GLI2: variants seen among roughly 807,000 people sequenced by gnomAD.
The protein encoded by GLI2 is transcription activator GLI2.
In GLI2, 22 loss-of-function variants were observed where a neutral mutation model predicts 78.9. The observed-to-expected ratio is 0.28, with a 90% CI of 0.20 to 0.40. The LOEUF (loss-of-function observed/expected upper bound fraction) is 0.40. Ranked by LOEUF, GLI2 falls within the 10% of genes least tolerant of loss-of-function variation. The probability of loss-of-function intolerance (pLI) is 1.00; values close to 1 mark genes in which losing one functional copy is unlikely to be tolerated. For missense variants in GLI2, 2,097 were observed against 2,213.2 expected (o/e 0.95, Z 1.05); for synonymous variants, 974 against 963.7 (o/e 1.01, Z -0.20).
Position 120,987,366 on chromosome 2 carries a change from G to C in GLI2, c.2242+752G>C, listed in dbSNP as rs536765231. ...TCTCAGCCCCCTACAGGGATGTCCT[G>C]GGTTGCAGACAGATGCCCCACCCAA... On this transcript the variant is annotated intron_variant, in intron 13 of 13. Transcript: ENST00000361492. 3.9e-5 allele frequency among the ~76,000 whole-genome samples: 6 copies of C among 152,314 alleles called. No individual in the cohort carries two copies. The South Asian group carries it at 1.0e-3, about 26-fold the overall frequency.
In GLI2 at chr2:120,955,345, C is replaced by G; in HGVS notation, c.558C>G (p.His186Gln). Residue 186 changes from histidine to glutamine, a missense_variant, in exon 5 of 14, where the codon CAC becomes CAG. Coordinates refer to ENST00000361492, the MANE Select transcript of GLI2 (RefSeq NM_001374353.1). The stretch of plus-strand genomic sequence containing the variant: ...ACCAGATGACCCTCGTGGCAGGCCA[C>G]CCCGCGCCCTACGGGGACCTGCTGA... ...YYHQMTLVAGHPAPYGDLLMQ... is the reference protein window; with the variant it reads ...YYHQMTLVAGQPAPYGDLLMQ... 1 of 1,613,556 alleles carries G rather than the reference C, an allele frequency of 6.2e-7. No individual in the cohort carries two copies. The highest frequency in any genetic ancestry group is 8.5e-7 in the Non-Finnish European group (1 of 1,179,660).
intron 2 of GLI2, among the ~76,000 whole-genome samples, chr2:120,817,298 C>T (rs1027179098): frequency 3.9e-5 from 6 of 152,204 alleles, no homozygotes; most frequent in South Asian, 2.1e-4. Context: ...CCACTGCCTC[C>T]GTGGGGTCTC....
intron 5 of GLI2, among the ~76,000 whole-genome samples, chr2:120,955,838 A>T (rs531691849): frequency 8.5e-5 from 13 of 152,208 alleles, no homozygotes; most frequent in African/African-American, 2.9e-4. Context: ...TGGGAAGTTG[A>T]AATCTGGGGG....
intron 2 of GLI2, among the ~76,000 whole-genome samples, chr2:120,804,037 T>G (rs146338282): frequency 1.3e-5 from 2 of 152,292 alleles, no homozygotes; most frequent in East Asian, 3.9e-4. Context: ...CTGACAGCCC[T>G]CCTATCTTCT....
At chr2:120,969,199 C>T (rs896477140) in intron 6 of GLI2, among the ~76,000 whole-genome samples, 1 of 152,230 alleles carries the variant, frequency 6.6e-6, no homozygotes, top group African/African-American at 2.4e-5. Context: ...CCTAGTATTT[C>T]ACTGAATTTG....
intron 2 of GLI2, among the ~76,000 whole-genome samples, chr2:120,922,164 C>A (rs57181330): frequency 0.026 from 3,925 of 152,292 alleles, 51 homozygotes; most frequent in Middle Eastern, 0.048. Flanking sequence ...TGCCACATAG[C>A]AAATGCTTGA....
intron 2 of GLI2, among the ~76,000 whole-genome samples, chr2:120,809,869 C>T (rs1417833898): frequency 6.6e-6 from 1 of 152,162 alleles, no homozygotes; most frequent in Non-Finnish European, 1.5e-5. Flanking sequence ...GCACCAGCCT[C>T]CAGCTAACTT....
chr2:120,948,441 A>C (rs1358923048), intron 3 of GLI2, among the ~76,000 whole-genome samples: 1 of 152,062 alleles, frequency 6.6e-6, no homozygotes, highest in Non-Finnish European at 1.5e-5. Context: ...GGGGAGGTGG[A>C]GTCTACCTTC....
intron 2 of GLI2, 123 bp downstream of exon 2, chr2:120,797,591 G>A (rs913766764): frequency 1.1e-6 from 1 of 918,522 alleles, no homozygotes; most frequent in Non-Finnish European, 1.7e-6. Context: ...GGGCGAAGAG[G>A]AAGGCACCTC....
intron 2 of GLI2, among the ~76,000 whole-genome samples, chr2:120,821,425 G>A (rs1275359403): frequency 6.6e-6 from 1 of 152,200 alleles, no homozygotes; most frequent in Non-Finnish European, 1.5e-5. Context: ...ACATTTATGG[G>A]CGACAGAGAA....
At chr2:120,781,066 C>G (rs1336699436) in intron 1 of GLI2, among the ~76,000 whole-genome samples, 1 of 152,198 alleles carries the variant, frequency 6.6e-6, no homozygotes, top group East Asian at 1.9e-4. Context: ...ATAAACCTTT[C>G]TTTCACCTTG....
intron 8 of GLI2, 166 bp from the exon 9 acceptor site, chr2:120,974,809 T>A: frequency 1.2e-6 from 1 of 863,764 alleles, no homozygotes; most frequent in Non-Finnish European, 2.0e-6. Flanking sequence ...TGTGTCTGCA[T>A]GCATGTGTTG....
At chr2:120,767,199 T>C (rs895317356) in intron 1 of GLI2, among the ~76,000 whole-genome samples, 1 of 152,154 alleles carries the variant, frequency 6.6e-6, no homozygotes, top group Admixed American at 6.5e-5. Flanking sequence ...GGAAGCCACC[T>C]CCTTGCTGGG....
At chr2:120,779,370 T>C (rs1479850739) in intron 1 of GLI2, among the ~76,000 whole-genome samples, 3 of 152,192 alleles carry the variant, frequency 2.0e-5, no homozygotes, top group African/African-American at 7.2e-5. Flanking sequence ...TGCTGGGCAG[T>C]AGGGCCAGGA....
intron 2 of GLI2, among the ~76,000 whole-genome samples, chr2:120,882,455 T>C (rs930496902): frequency 2.0e-5 from 3 of 152,238 alleles, no homozygotes; most frequent in African/African-American, 7.2e-5. Context: ...AATGTAGGTG[T>C]GTGTCCCTGG....
intron 2 of GLI2, among the ~76,000 whole-genome samples, chr2:120,904,429 C>T (rs1158094176): frequency 1.3e-5 from 2 of 152,154 alleles, no homozygotes; most frequent in African/African-American, 2.4e-5. Context: ...GAGAGCCTGT[C>T]GGTCCCTGGC....
At chr2:120,802,736 T>G (rs1239281621) in intron 2 of GLI2, among the ~76,000 whole-genome samples, 1 of 152,068 alleles carries the variant, frequency 6.6e-6, no homozygotes, top group Non-Finnish European at 1.5e-5. Context: ...GTTTTGCTAG[T>G]TTCTGGAATC....
At chr2:120,922,154 T>TGCCACATA (rs1679408803) in intron 2 of GLI2, among the ~76,000 whole-genome samples, 1 of 152,194 alleles carries the variant, frequency 6.6e-6, no homozygotes, top group Non-Finnish European at 1.5e-5. Context: ...GAACAGTGCC[T>TGCCACATA]GCCACATAGC....
chr2:120,824,586 GCCCCTTTGGGC>G (rs550177314), intron 2 of GLI2, among the ~76,000 whole-genome samples: 196 of 152,306 alleles, frequency 1.3e-3, no homozygotes, highest in African/African-American at 4.5e-3. Context: ...CTGGCTGTAA[GCCCCTTTGGGC>G]CCCCTTTGGG....
Sources: allele counts gnomAD v4.1 joint callset (sites outside exome capture counted in the v4.1 genomes callset), GRCh38; gene constraint gnomAD v4.1.1; transcripts MANE v1.5; gene names NCBI Gene and HGNC (gene_info 2026-07-23, HGNC 2026-07-21).